DLG2: variants seen among roughly 807,000 people sequenced by gnomAD.
The protein encoded by DLG2 is discs large MAGUK scaffold protein 2.
DLG2 carries 45 observed loss-of-function variants against 132.5 expected under a neutral mutation model. The observed-to-expected ratio is 0.34, with a 90% CI of 0.27 to 0.44. The LOEUF (loss-of-function observed/expected upper bound fraction) is 0.44. DLG2 is among the 20% of genes least tolerant of loss of function. DLG2 has a pLI of 1.00. For missense variants in DLG2, 1,045 were observed against 1,196.9 expected, an observed-to-expected ratio of 0.87 and a Z score of 1.87; for synonymous variants, 424 against 419.6, an observed-to-expected ratio of 1.01 and a Z score of -0.13.
chr11:84,733,221 C>T (rs1565815422), intron 6 of DLG2, among the ~76,000 whole-genome samples: 1 of 152,194 alleles, frequency 6.6e-6, no homozygotes, highest in South Asian at 2.1e-4. Flanking sequence ...GACACACTGA[C>T]TTCCACAATG....
chr11:83,778,527 C>T (rs1218972850), intron 18 of DLG2, among the ~76,000 whole-genome samples: 8 of 151,998 alleles, frequency 5.3e-5, no homozygotes, highest in East Asian at 1.9e-4. Flanking sequence ...TGGGGATGTT[C>T]GGAACTGTAA....
rs376539504 is a variant in DLG2 at position 83,586,543 on chromosome 11, A to G, written c.1941-44685T>C. On this transcript the variant is annotated intron_variant, in intron 19 of 27. Transcript: ENST00000376104. ...GCGTATTAGGTTCTTTAAAACTATC[A>G]TTTTCTTCCTGCTTTTTACCTATAT... Among the ~76,000 whole-genome samples, 9 of 152,204 alleles carry G rather than the reference A, an allele frequency of 5.9e-5. No individual in the cohort carries two copies. The East Asian group carries it at 1.4e-3, about 23-fold the overall frequency.
rs117803443 is a variant in DLG2, at chr11:83,637,041, G to A, written c.1826-3716C>T. On this transcript the variant is annotated intron_variant, in intron 18 of 27. Transcript: ENST00000376104. Reference sequence around the variant, plus strand: ...TAAATATAAATGGTGCATCTGTGGCGGCAGAGCTCTGTCTCCAACTTCTTG... The same window carrying A: ...TAAATATAAATGGTGCATCTGTGGCAGCAGAGCTCTGTCTCCAACTTCTTG... 2.4e-3 allele frequency among the ~76,000 whole-genome samples: 363 copies of A among 152,182 alleles called. 2 individuals carry two copies. Among genetic ancestry groups the A allele is most frequent in the Non-Finnish European group, 3.9e-3 (266 of 68,006 alleles).
rs543228733 is a variant in DLG2 at position 83,561,071 on chromosome 11, T to C, written c.1941-19213A>G. 6.6e-5 allele frequency among the ~76,000 whole-genome samples: 10 copies of C among 152,182 alleles called. No individual in the cohort carries two copies. The East Asian group carries it at 1.2e-3, about 18-fold the overall frequency. On this transcript the variant is annotated intron_variant, in intron 19 of 27. Transcript: ENST00000376104. ...ACAAGGCCAGAGCAGGAGCAAGGCG[T>C]TGGGGAAGGTGCCACACACTTTTAA...
At chr11:84,929,222 G>C (rs937692746) in intron 6 of DLG2, among the ~76,000 whole-genome samples, 1 of 151,074 alleles carries the variant, frequency 6.6e-6, no homozygotes, top group African/African-American at 2.4e-5. Flanking sequence ...CCAATACTAA[G>C]TCTTTTAATT....
chr11:84,028,876 C>T (rs1036003399), intron 11 of DLG2, among the ~76,000 whole-genome samples: 2 of 152,080 alleles, frequency 1.3e-5, no homozygotes, highest in East Asian at 1.9e-4. Context: ...TACATGTCTA[C>T]TTTCCCAGTA....
intron 6 of DLG2, among the ~76,000 whole-genome samples, chr11:84,793,493 T>C (rs775998575): frequency 3.9e-5 from 6 of 152,224 alleles, no homozygotes; most frequent in Non-Finnish European, 5.9e-5. Flanking sequence ...ATGTTGACAG[T>C]GGAGTGTTGA....
chr11:83,707,536 T>C (rs1246982754), intron 18 of DLG2, among the ~76,000 whole-genome samples: 3 of 152,176 alleles, frequency 2.0e-5, no homozygotes, highest in Non-Finnish European at 4.4e-5. Flanking sequence ...TGGGGCGTTG[T>C]GGTGCATGCC....
chr11:85,511,388 A>G (rs916406720), intron 3 of DLG2, among the ~76,000 whole-genome samples: 4 of 152,070 alleles, frequency 2.6e-5, no homozygotes, highest in Non-Finnish European at 5.9e-5. Flanking sequence ...TAAAATTAAA[A>G]AAAGAAATAT....
intron 4 of DLG2, among the ~76,000 whole-genome samples, chr11:85,161,866 T>C (rs1173068406): frequency 6.6e-6 from 1 of 152,188 alleles, no homozygotes; most frequent in African/African-American, 2.4e-5. Context: ...GCATCCAATG[T>C]ATGCTACTAT....
intron 4 of DLG2, among the ~76,000 whole-genome samples, chr11:85,224,907 GATA>G (rs1248914934): frequency 6.6e-6 from 1 of 152,044 alleles, no homozygotes; most frequent in Non-Finnish European, 1.5e-5. Flanking sequence ...TTTCTCATTG[GATA>G]ATGTTACCCT....
chr11:83,632,505 G>A (rs1304981113), intron 19 of DLG2: 1 of 152,138 alleles, frequency 6.6e-6, no homozygotes, highest in East Asian at 1.9e-4. Context: ...GATGAAGTTT[G>A]GAAGTAATAC....
intron 21 of DLG2, among the ~76,000 whole-genome samples, chr11:83,506,448 T>C (rs539339855): frequency 6.6e-6 from 1 of 152,294 alleles, no homozygotes; most frequent in African/African-American, 2.4e-5. Context: ...CACCTCCTCA[T>C]GGGTCACACT....
chr11:85,358,991 C>T (rs955444583), intron 3 of DLG2, among the ~76,000 whole-genome samples: 1 of 152,042 alleles, frequency 6.6e-6, no homozygotes. Context: ...ACTAGATTTG[C>T]CATTTGTTAA....
chr11:83,540,578 C>T (rs972895761), intron 20 of DLG2, among the ~76,000 whole-genome samples: 19 of 152,166 alleles, frequency 1.2e-4, no homozygotes, highest in African/African-American at 4.3e-4. Context: ...TGTGCGACCA[C>T]AGGCAGAGAG....
chr11:84,256,602 A>G (rs534723040), intron 7 of DLG2, among the ~76,000 whole-genome samples: 32 of 152,362 alleles, frequency 2.1e-4, no homozygotes, highest in African/African-American at 6.7e-4. Flanking sequence ...AATAGGTGGT[A>G]AAATAGTGCA....
chr11:84,263,575 T>A (rs2097574344), intron 7 of DLG2, among the ~76,000 whole-genome samples: 1 of 152,168 alleles, frequency 6.6e-6, no homozygotes, highest in African/African-American at 2.4e-5. Context: ...AAAAAAGATT[T>A]GAAGTGAAGC....
chr11:83,580,242 T>C (rs925977665), intron 19 of DLG2, among the ~76,000 whole-genome samples: 2 of 152,182 alleles, frequency 1.3e-5, no homozygotes, highest in African/African-American at 4.8e-5. Context: ...TCTTCCCATT[T>C]TTCCTCTACT....
At chr11:84,599,800 G>A (rs1565417540) in intron 6 of DLG2, among the ~76,000 whole-genome samples, 1 of 152,114 alleles carries the variant, frequency 6.6e-6, no homozygotes, top group Non-Finnish European at 1.5e-5. Context: ...AGGAGGCAGA[G>A]GCAGGCAGAT....
Sources: gnomAD v4.1 joint callset for allele counts (sites outside exome capture counted in the v4.1 genomes callset) on GRCh38, gnomAD v4.1.1 for gene constraint, MANE v1.5 for transcripts, NCBI Gene and HGNC (gene_info 2026-07-23, HGNC 2026-07-21) for gene names.